NDRG3: variants seen among roughly 807,000 people sequenced by gnomAD.
NDRG3 encodes NDRG family member 3.
NDRG3 carries 23 observed loss-of-function variants against 57.2 expected under a neutral mutation model. The observed-to-expected ratio is 0.40, with a 90% CI of 0.29 to 0.57. NDRG3 has a LOEUF of 0.57. Among genes scored for constraint, NDRG3 ranks in the 20% least tolerant of loss-of-function variants. The probability of loss-of-function intolerance (pLI) is 0.42; values close to 1 mark genes in which losing one functional copy is unlikely to be tolerated. For missense variants in NDRG3, 384 were observed against 457.3 expected (o/e 0.84, Z 1.46); for synonymous variants, 132 against 162.6 (o/e 0.81, Z 1.43).
intron 1 of NDRG3, among the ~76,000 whole-genome samples, chr20:36,744,692 A>C (rs1568680702): frequency 1.3e-5 from 2 of 152,186 alleles, no homozygotes; most frequent in African/African-American, 4.8e-5. Flanking sequence ...ATAGCTGTTC[A>C]TTTGGAACTT....
At chr20:36,741,486 TTTTC>T (rs1402552832) in intron 1 of NDRG3, among the ~76,000 whole-genome samples, 2 of 152,222 alleles carry the variant, frequency 1.3e-5, no homozygotes, top group Non-Finnish European at 2.9e-5. Flanking sequence ...AGATTCTTAT[TTTTC>T]TTTCATTTTT....
chr20:36,682,868 C>A (rs990414009), intron 6 of NDRG3, among the ~76,000 whole-genome samples: 1 of 151,470 alleles, frequency 6.6e-6, no homozygotes, highest in East Asian at 1.9e-4. Flanking sequence ...CAGATCAAGA[C>A]CATCCTGGCC....
chr20:36,668,862 G>T (rs1191742011), intron 9 of NDRG3, among the ~76,000 whole-genome samples: 5 of 151,524 alleles, frequency 3.3e-5, no homozygotes, highest in East Asian at 1.9e-4. Context: ...TATATATATA[G>T]TGAGGATGTT....
chr20:36,708,309 A>G (rs372278997), intron 2 of NDRG3, among the ~76,000 whole-genome samples: 11 of 152,202 alleles, frequency 7.2e-5, no homozygotes, highest in East Asian at 5.8e-4. Context: ...CTGATCCCCA[A>G]AAAATACTGA....
intron 12 of NDRG3, among the ~76,000 whole-genome samples, chr20:36,663,124 G>T (rs1403578253): frequency 6.6e-6 from 1 of 152,102 alleles, no homozygotes; most frequent in African/African-American, 2.4e-5. Flanking sequence ...TGATAAATTG[G>T]GGTCACCACT....
chr20:36,688,843 A>G (rs1352150059), intron 3 of NDRG3, 59 bp from the exon 4 acceptor site: 10 of 1,214,508 alleles, frequency 8.2e-6, no homozygotes, highest in Non-Finnish European at 1.2e-5. Flanking sequence ...AGGTTGCCAA[A>G]GTTTCACAAT....
chr20:36,662,020 T>C (rs921378714), intron 12 of NDRG3, among the ~76,000 whole-genome samples: 1 of 152,112 alleles, frequency 6.6e-6, no homozygotes, highest in Non-Finnish European at 1.5e-5. Flanking sequence ...CTCTAAAAGG[T>C]AGAATTTAAA....
chr20:36,660,052 C>A (rs13038404), intron 13 of NDRG3, among the ~76,000 whole-genome samples: 2,648 of 151,854 alleles, frequency 0.017, 70 homozygotes, highest in African/African-American at 0.061. Flanking sequence ...ACTAAAAATA[C>A]GAAAAATTAG....
chr20:36,665,273 TG>T lies in NDRG3; in HGVS notation c.720del (p.Ile241TyrfsTer12), dbSNP rs1349065086. 6.2e-7 allele frequency: 1 copy of T among 1,614,246 alleles called. No homozygotes were observed. ...GATTTGTTATCATTTTGGCCCAGTA[TG>T]GGTCTTTCGATCTCCAGGTCTCTGC... Reference protein sequence around the residue: ...NGRRDLEIERPILGQNDNKSK... With the variant: ...NGRRDLEIERXILGQNDNKSK... On this transcript the variant is annotated frameshift_variant, in exon 11 of 16. Transcript: ENST00000349004. LOFTEE classifies it high-confidence loss of function.
chr20:36,692,433 G>A (rs1384697138), intron 3 of NDRG3, among the ~76,000 whole-genome samples: 7 of 151,912 alleles, frequency 4.6e-5, no homozygotes, highest in African/African-American at 1.7e-4. Context: ...CATGTTGTCC[G>A]GGCTGGTCTC....
intron 12 of NDRG3, 66 bp from the exon 13 acceptor site, chr20:36,660,450 G>A (rs569141032): frequency 1.2e-5 from 15 of 1,207,584 alleles, no homozygotes; most frequent in South Asian, 1.2e-4. Flanking sequence ...GAAATAGCTC[G>A]GTATGAGAAT....
At chr20:36,678,294 T>G (rs1326869482) in intron 8 of NDRG3, among the ~76,000 whole-genome samples, 3 of 152,062 alleles carry the variant, frequency 2.0e-5, no homozygotes, top group Non-Finnish European at 2.9e-5. Flanking sequence ...GGGAGGGGAA[T>G]GAGGGTGAGG....
At chr20:36,674,554 A>C (rs983989963) in intron 8 of NDRG3, among the ~76,000 whole-genome samples, 62 of 146,206 alleles carry the variant, frequency 4.2e-4, no homozygotes, top group African/African-American at 1.5e-3. Flanking sequence ...AAGTTCCTAG[A>C]TATGGACTTA....
intron 8 of NDRG3, among the ~76,000 whole-genome samples, chr20:36,675,437 A>T (rs1980600543): frequency 6.7e-6 from 1 of 149,794 alleles, no homozygotes; most frequent in Non-Finnish European, 1.5e-5. Flanking sequence ...CCCAGGCTGG[A>T]GTGCAATGGC....
chr20:36,737,589 G>C (rs1334194883), intron 1 of NDRG3, among the ~76,000 whole-genome samples: 1 of 152,148 alleles, frequency 6.6e-6, no homozygotes, highest in African/African-American at 2.4e-5. Flanking sequence ...TGAAGAAACT[G>C]AAGCTCGGAC....
At chr20:36,673,160 A>C (rs532546891) in intron 8 of NDRG3, among the ~76,000 whole-genome samples, 1 of 152,254 alleles carries the variant, frequency 6.6e-6, no homozygotes, top group African/African-American at 2.4e-5. Context: ...CACTGCGCCC[A>C]GCCAGGACAT....
In NDRG3 at chr20:36,660,538, ATATTTATT is replaced by A. The variant is rs200399384; in HGVS notation, c.811-162_811-155del. Among the ~76,000 whole-genome samples the A allele has an allele frequency of 3.7e-3, 556 of 150,036 alleles. 5 individuals are homozygous for A. Among genetic ancestry groups the A allele is most frequent in the African/African-American group, 7.1e-3 (290 of 40,676 alleles). On this transcript the variant is annotated intron_variant, in intron 12 of 15. Transcript: ENST00000349004. ...ATTACCAAAATACATAGTGGGAGATATATTTATTTATTTATTTATTTATTTATTTATTT... is the reference window on the plus strand; with the variant it reads ...ATTACCAAAATACATAGTGGGAGATATATTTATTTATTTATTTATTTATTT...
intron 2 of NDRG3, among the ~76,000 whole-genome samples, chr20:36,712,946 G>A (rs1984013841): frequency 6.6e-6 from 1 of 152,018 alleles, no homozygotes; most frequent in East Asian, 1.9e-4. Flanking sequence ...CCAGGCTGGA[G>A]TTGCAGTGGC....
intron 1 of NDRG3, among the ~76,000 whole-genome samples, chr20:36,733,262 T>C (rs1192653553): frequency 1.4e-5 from 2 of 148,042 alleles, no homozygotes; most frequent in Non-Finnish European, 3.0e-5. Flanking sequence ...AGAAAGTTAT[T>C]GGCTTTTGAA....
Sources: gnomAD v4.1 joint callset for allele counts (sites outside exome capture counted in the v4.1 genomes callset) on GRCh38, gnomAD v4.1.1 for gene constraint, MANE v1.5 for transcripts, NCBI Gene and HGNC (gene_info 2026-07-23, HGNC 2026-07-21) for gene names.